NAALADL2: variants seen among roughly 807,000 people sequenced by gnomAD.
NAALADL2 encodes inactive N-acetylated-alpha-linked acidic dipeptidase-like protein 2.
In NAALADL2, 76 loss-of-function variants were observed where a neutral mutation model predicts 87.2. The observed-to-expected ratio is 0.87, with a 90% CI of 0.72 to 1.05. NAALADL2 has a LOEUF of 1.05. NAALADL2 is among the 50% of genes least tolerant of loss of function. The pLI is 0.00. For synonymous variants in NAALADL2, 354 were observed against 331.0 expected, an observed-to-expected ratio of 1.07 and a Z score of -0.75; for missense variants, 1,089 against 945.8, an observed-to-expected ratio of 1.15 and a Z score of -1.99.
chr3:174,636,845 G>A (rs525959), intron 2 of NAALADL2, among the ~76,000 whole-genome samples: 133,730 of 152,218 alleles, frequency 0.88, 58,895 homozygotes, highest in African/African-American at 0.92. Context: ...AAATACATCA[G>A]CATGTCAAAG....
At chr3:174,934,731 A>AAACAAC (rs201847790) in intron 1 of NAALADL2, among the ~76,000 whole-genome samples, 1 of 152,030 alleles carries the variant, frequency 6.6e-6, no homozygotes, top group African/African-American at 2.4e-5. Context: ...AATAGTGCTC[A>AAACAAC]AACAACAACA....
At chr3:175,430,595 T>A (rs1356888470) in intron 5 of NAALADL2, among the ~76,000 whole-genome samples, 1 of 152,026 alleles carries the variant, frequency 6.6e-6, no homozygotes, top group Non-Finnish European at 1.5e-5. Context: ...CTTACTTACA[T>A]CTCTGTTATC....
intron 11 of NAALADL2, among the ~76,000 whole-genome samples, chr3:175,704,629 G>A (rs1361941060): frequency 2.0e-5 from 3 of 151,990 alleles, no homozygotes; most frequent in Admixed American, 1.3e-4. Flanking sequence ...ACCGACTCTC[G>A]ATACAGAGTC....
chr3:174,667,128 T>C (rs1438861062), intron 2 of NAALADL2, among the ~76,000 whole-genome samples: 1 of 152,196 alleles, frequency 6.6e-6, no homozygotes, highest in African/African-American at 2.4e-5. Context: ...CTGTGAATAA[T>C]GCTGCATTGA....
At chr3:175,257,146 A>G (rs997990146) in intron 4 of NAALADL2, 1 of 151,712 alleles carries the variant, frequency 6.6e-6, no homozygotes, top group East Asian at 1.9e-4. Context: ...AACCAGCACA[A>G]TAGACAGCCA....
At chr3:175,593,595 T>G (rs1721838070) in intron 10 of NAALADL2, among the ~76,000 whole-genome samples, 1 of 152,172 alleles carries the variant, frequency 6.6e-6, no homozygotes, top group Non-Finnish European at 1.5e-5. Flanking sequence ...TTGGTTCTTC[T>G]GAGGGTGGCA....
At chr3:175,698,270 T>C (rs199917438) in intron 11 of NAALADL2, among the ~76,000 whole-genome samples, 3 of 93,704 alleles carry the variant, frequency 3.2e-5, no homozygotes, top group Non-Finnish European at 5.7e-5. Context: ...TGTATACATA[T>C]ATATGTGTAT....
At chr3:175,593,820 C>T (rs1023578320) in intron 10 of NAALADL2, among the ~76,000 whole-genome samples, 1 of 152,046 alleles carries the variant, frequency 6.6e-6, no homozygotes, top group Non-Finnish European at 1.5e-5. Flanking sequence ...GACCCTCTCT[C>T]CCAATAAGGT....
At chr3:174,892,248 G>A (rs1560331529) in intron 1 of NAALADL2, among the ~76,000 whole-genome samples, 1 of 152,098 alleles carries the variant, frequency 6.6e-6, no homozygotes, top group African/African-American at 2.4e-5. Context: ...GACCAATCCT[G>A]GAGAAACAGA....
chr3:174,806,824 G>T (rs1229100505), intron 3 of NAALADL2, among the ~76,000 whole-genome samples: 1 of 152,050 alleles, frequency 6.6e-6, no homozygotes, highest in Non-Finnish European at 1.5e-5. Flanking sequence ...ACATATTTAT[G>T]TAGTCCTTTC....
intron 1 of NAALADL2, among the ~76,000 whole-genome samples, chr3:174,860,091 T>C (rs1399810): frequency 0.28 from 42,641 of 151,786 alleles, 6,121 homozygotes; most frequent in East Asian, 0.42. Context: ...TTAAGGTCGC[T>C]CACATTTCAC....
At chr3:175,312,561 C>A (rs1202009238) in intron 4 of NAALADL2, among the ~76,000 whole-genome samples, 1 of 151,968 alleles carries the variant, frequency 6.6e-6, no homozygotes, top group South Asian at 2.1e-4. Flanking sequence ...TATAAATTCA[C>A]CCTTTAGCCA....
chr3:174,521,943 A>T (rs981312848), intron 1 of NAALADL2, among the ~76,000 whole-genome samples: 11 of 151,736 alleles, frequency 7.2e-5, no homozygotes, highest in South Asian at 2.1e-4. Flanking sequence ...AAATTATATT[A>T]AAAAAAATAG....
chr3:175,446,549 T>C (rs1030642246), intron 5 of NAALADL2, among the ~76,000 whole-genome samples: 1 of 152,082 alleles, frequency 6.6e-6, no homozygotes, highest in African/African-American at 2.4e-5. Flanking sequence ...GTCGACACCA[T>C]CCTCTTTAAA....
chr3:175,697,876 T>C (rs1738129605), intron 11 of NAALADL2, among the ~76,000 whole-genome samples: 1 of 102,062 alleles, frequency 9.8e-6, no homozygotes, highest in Admixed American at 1.1e-4. Flanking sequence ...TATGTATACA[T>C]ATATATGTGT....
Position 175,060,572 on chromosome 3 carries a change from G to GAAC in NAALADL2, c.44-36216_44-36214dup, listed in dbSNP as rs575307367. Among the ~76,000 whole-genome samples, 17 of 152,200 alleles carry GAAC rather than the reference G, an allele frequency of 1.1e-4. 1 individual carries two copies. In the South Asian group the frequency reaches 3.5e-3, roughly 32 times the overall value. On this transcript the variant is annotated intron_variant, in intron 1 of 13. Coordinates refer to ENST00000454872, the MANE Select transcript of NAALADL2 (RefSeq NM_207015.3). The stretch of plus-strand genomic sequence containing the variant: ...TATGTTGTGTTTAATTATTAACATT[G>GAAC]AACATTGTTAATATTTATACAAGTA...
At chr3:175,548,105 T>C (rs1713684175) in intron 9 of NAALADL2, among the ~76,000 whole-genome samples, 1 of 152,158 alleles carries the variant, frequency 6.6e-6, no homozygotes, top group Non-Finnish European at 1.5e-5. Context: ...TGCACACGTA[T>C]GTTCATTGAA....
chr3:175,500,547 T>C (rs887120498), intron 9 of NAALADL2, among the ~76,000 whole-genome samples: 1 of 151,970 alleles, frequency 6.6e-6, no homozygotes. Context: ...CAGAATGTGT[T>C]ACACACAAGG....
chr3:175,260,768 C>T (rs1300261393), intron 4 of NAALADL2, among the ~76,000 whole-genome samples: 2 of 152,084 alleles, frequency 1.3e-5, no homozygotes. Flanking sequence ...GGAATCTCTA[C>T]ATCCGAGCTA....
Sources: gnomAD v4.1 joint callset for allele counts (sites outside exome capture counted in the v4.1 genomes callset) on GRCh38, gnomAD v4.1.1 for gene constraint, MANE v1.5 for transcripts, NCBI Gene and HGNC (gene_info 2026-07-23, HGNC 2026-07-21) for gene names.